Variants in LIPI observed in about 807,000 individuals in gnomAD.
The protein encoded by LIPI is lipase I, also known as lipase member I.
LIPI carries 59 observed loss-of-function variants against 50.6 expected under a neutral mutation model. The observed-to-expected ratio is 1.16, with a 90% CI of 0.94 to 1.45. The LOEUF (loss-of-function observed/expected upper bound fraction) is 1.45, where lower values mean the gene tolerates loss of function less well. LIPI is among the 40% of genes most tolerant of loss of function. The probability of loss-of-function intolerance (pLI) is 0.00; values close to 1 mark genes in which losing one functional copy is unlikely to be tolerated. For synonymous variants in LIPI, 203 were observed against 178.2 expected (o/e 1.14, Z -1.11); for missense variants, 586 against 536.3 (o/e 1.09, Z -0.92).
At chr21:14,181,436 A>C (rs764822242) in intron 4 of LIPI, among the ~76,000 whole-genome samples, 1 of 152,160 alleles carries the variant, frequency 6.6e-6, no homozygotes, top group Non-Finnish European at 1.5e-5. Flanking sequence ...AACATTAAAC[A>C]TGGGGGAAAA....
rs1468910674 is a variant in LIPI, at chr21:14,128,345, C to G, written c.1295+16278G>C. On this transcript the variant is annotated intron_variant, in intron 9 of 9. Coordinates refer to ENST00000681601, the MANE Select transcript of LIPI (RefSeq NM_001302998.2). ...TTTTTAAACTAGTAATAACTAAAAA[C>G]AAAAGAAAAATAAAACAAGGACAAA... Among the ~76,000 whole-genome samples, 5 of 151,832 alleles carry G rather than the reference C, an allele frequency of 3.3e-5. No individual in the cohort carries two copies. In the East Asian group the frequency reaches 9.7e-4, roughly 29 times the overall value.
chr21:14,110,010 ATCTT>A (rs2016338886), intron 9 of LIPI, among the ~76,000 whole-genome samples: 1 of 151,968 alleles, frequency 6.6e-6, no homozygotes, highest in African/African-American at 2.4e-5. Context: ...TTATGTATCT[ATCTT>A]TCTAATTTCA....
intron 9 of LIPI, among the ~76,000 whole-genome samples, chr21:14,142,611 C>A (rs1191688851): frequency 6.6e-6 from 1 of 151,180 alleles, no homozygotes; most frequent in Non-Finnish European, 1.5e-5. Flanking sequence ...GCCTCCTTAG[C>A]AGCTGGGACT....
At chr21:14,156,598 C>A (rs573481870) in intron 7 of LIPI, among the ~76,000 whole-genome samples, 1 of 151,860 alleles carries the variant, frequency 6.6e-6, no homozygotes, top group African/African-American at 2.4e-5. Context: ...TTTAAGCCAC[C>A]AAATTTGTGG....
intron 4 of LIPI, among the ~76,000 whole-genome samples, chr21:14,173,382 T>C (rs145694028): frequency 6.6e-6 from 1 of 152,294 alleles, no homozygotes; most frequent in East Asian, 1.9e-4. Flanking sequence ...ATGAAACACA[T>C]AGCTTTGATT....
chr21:14,170,927 A>C (rs79139792), intron 4 of LIPI, among the ~76,000 whole-genome samples: 84,552 of 149,992 alleles, frequency 0.56, 24,406 homozygotes, highest in African/African-American at 0.65. Flanking sequence ...GTCAAATTGT[A>C]CCTGTTTGCA....
intron 9 of LIPI, among the ~76,000 whole-genome samples, chr21:14,119,108 C>T (rs1452264271): frequency 2.0e-5 from 3 of 152,112 alleles, no homozygotes; most frequent in East Asian, 1.9e-4. Flanking sequence ...CCCTGTAAGC[C>T]GAGACATTTT....
intron 9 of LIPI, 21 bp from the exon 10 acceptor site, chr21:14,109,101 G>C: frequency 6.4e-7 from 1 of 1,564,482 alleles, no homozygotes; most frequent in Non-Finnish European, 8.8e-7. Flanking sequence ...GAAAAATGGA[G>C]AGAACAAAAA....
In LIPI at chr21:14,108,894, A is replaced by G; in HGVS notation, c.*99T>C. ...TTTTTCCAAGAAATAGAAATACTTGAATCTCAAATTGAACAGTGCATTATA... is the reference window on the plus strand; with the variant it reads ...TTTTTCCAAGAAATAGAAATACTTGGATCTCAAATTGAACAGTGCATTATA... On this transcript the variant is annotated 3_prime_UTR_variant, in exon 10 of 10. Transcript: ENST00000681601. 1 of 1,421,758 alleles carries G rather than the reference A, an allele frequency of 7.0e-7. No individual in the cohort carries two copies. Among genetic ancestry groups the G allele is most frequent in the Non-Finnish European group, 9.7e-7 (1 of 1,027,230 alleles). The allele number at this position is 1,421,758 out of a possible 1,614,324, so 88.1% of individuals were successfully genotyped here. A position where few individuals can be genotyped will look rare whatever the true frequency, so the allele number is the denominator to read the frequency against.
chr21:14,207,924 A>G (rs1254466588), intron 1 of LIPI, among the ~76,000 whole-genome samples: 1 of 152,192 alleles, frequency 6.6e-6, no homozygotes, highest in African/African-American at 2.4e-5. Flanking sequence ...CTGCATGTAG[A>G]GGGTTAAGTG....
At chr21:14,150,241 C>T (rs1212310679) in intron 8 of LIPI, among the ~76,000 whole-genome samples, 1 of 152,160 alleles carries the variant, frequency 6.6e-6, no homozygotes, top group Non-Finnish European at 1.5e-5. Context: ...TCAACCTGGT[C>T]CAATCCTTGA....
In LIPI at chr21:14,121,379, C is replaced by T. The variant is rs550536048; in HGVS notation, c.1296-12299G>A. Among the ~76,000 whole-genome samples, 36 of 152,314 alleles carry T rather than the reference C, an allele frequency of 2.4e-4. No homozygotes were observed. In the South Asian group the frequency reaches 6.4e-3, roughly 27 times the overall value. On this transcript the variant is annotated intron_variant, in intron 9 of 9. Coordinates refer to ENST00000681601, the MANE Select transcript of LIPI (RefSeq NM_001302998.2). ...ATCAGGTATTACCCATGGTCCTTCT[C>T]TGAGTCAGGTGTACCCCTACTACAT...
At chr21:14,149,147 G>T (rs2018002241) in intron 8 of LIPI, among the ~76,000 whole-genome samples, 1 of 152,188 alleles carries the variant, frequency 6.6e-6, no homozygotes, top group African/African-American at 2.4e-5. Flanking sequence ...CAACAGGTCT[G>T]CATTGCTGAG....
At chr21:14,130,087 GT>G (rs997146639) in intron 9 of LIPI, among the ~76,000 whole-genome samples, 1 of 152,012 alleles carries the variant, frequency 6.6e-6, no homozygotes, top group Non-Finnish European at 1.5e-5. Flanking sequence ...TGTAAAGTTA[GT>G]TTTTAAAAAA....
intron 4 of LIPI, among the ~76,000 whole-genome samples, chr21:14,180,417 G>T (rs1167127581): frequency 6.6e-6 from 1 of 152,168 alleles, no homozygotes; most frequent in African/African-American, 2.4e-5. Context: ...CTACTGATAT[G>T]TGATGTCACC....
At chr21:14,136,572 TCTA>T (rs1447291908) in intron 9 of LIPI, among the ~76,000 whole-genome samples, 7 of 152,078 alleles carry the variant, frequency 4.6e-5, no homozygotes, top group African/African-American at 7.2e-5. Flanking sequence ...CAGGTAGACT[TCTA>T]AGGTTTTTGA....
At chr21:14,183,732 T>C (rs886700003) in intron 3 of LIPI, among the ~76,000 whole-genome samples, 12 of 152,224 alleles carry the variant, frequency 7.9e-5, no homozygotes, top group South Asian at 4.1e-4. Context: ...AAAATGCTCA[T>C]CATCACTGGC....
At chr21:14,139,680 G>A (rs1401683906) in intron 9 of LIPI, among the ~76,000 whole-genome samples, 1 of 152,196 alleles carries the variant, frequency 6.6e-6, no homozygotes, top group Non-Finnish European at 1.5e-5. Flanking sequence ...TTCCAGGTAA[G>A]AGGATTGATA....
chr21:14,165,324 T>A lies in LIPI; in HGVS notation c.800A>T (p.Asn267Ile). The change falls in exon 6 of 10, where the codon AAC becomes ATC. Residue 267 changes from asparagine (N) to isoleucine (I), a missense_variant. Coordinates refer to ENST00000681601, the MANE Select transcript of LIPI (RefSeq NM_001302998.2). ...ACAAGGAAATGAAATAAAATTGCAG[T>A]TTGTTTCTAAAGATGCCATGAACAA... ...VHLFMASLET[N>I]CNFISFPCRS... 2 of 1,612,692 alleles carry A rather than the reference T, an allele frequency of 1.2e-6. No homozygotes were observed. Among genetic ancestry groups the A allele is most frequent in the Non-Finnish European group, 8.5e-7 (1 of 1,178,918 alleles).
Sources: allele counts gnomAD v4.1 joint callset (sites outside exome capture counted in the v4.1 genomes callset), GRCh38; gene constraint gnomAD v4.1.1; transcripts MANE v1.5; gene names NCBI Gene and HGNC (gene_info 2026-07-23, HGNC 2026-07-21).